Variants in RASA1 observed in about 807,000 individuals in gnomAD.
RASA1 encodes the protein RAS p21 protein activator 1.
RASA1 carries 25 observed loss-of-function variants against 132.2 expected under a neutral mutation model. The observed-to-expected ratio is 0.19, with a 90% CI of 0.14 to 0.26. The LOEUF (loss-of-function observed/expected upper bound fraction) is 0.26. Ranked by LOEUF, RASA1 falls within the 10% of genes least tolerant of loss-of-function variation. The pLI, the probability that RASA1 is intolerant of heterozygous loss-of-function variation, is 1.00. For synonymous variants in RASA1, 477 were observed against 449.9 expected (o/e 1.06, Z -0.76); for missense variants, 964 against 1,299.2 (o/e 0.74, Z 3.97).
rs989336198 is a variant in RASA1, at chr5:87,298,138, G to A, written c.539+29148G>A. Among the ~76,000 whole-genome samples, 3 of 152,036 alleles carry A rather than the reference G, an allele frequency of 2.0e-5. No individual in the cohort carries two copies. In the East Asian group the frequency reaches 5.8e-4, roughly 29 times the overall value. On this transcript the variant is annotated intron_variant, in intron 1 of 24. Transcript: ENST00000274376. The stretch of plus-strand genomic sequence containing the variant: ...AAAGAAGGAACAGGAGGCTGGGCAC[G>A]GTGGCTCACACCTGTAATCCCAGCA...
chr5:87,287,174 C>A (rs1484658140), intron 1 of RASA1, among the ~76,000 whole-genome samples: 1 of 141,252 alleles, frequency 7.1e-6, no homozygotes, highest in Non-Finnish European at 1.5e-5. Context: ...TATATACACA[C>A]CATATATATA....
intron 22 of RASA1, among the ~76,000 whole-genome samples, chr5:87,386,460 T>A (rs901619425): frequency 6.6e-6 from 1 of 152,030 alleles, no homozygotes; most frequent in Non-Finnish European, 1.5e-5. Context: ...AACCTATGAT[T>A]TGGGGCCATG....
chr5:87,367,561 TAA>T (rs1430086386), intron 11 of RASA1, among the ~76,000 whole-genome samples: 4 of 152,190 alleles, frequency 2.6e-5, no homozygotes, highest in Non-Finnish European at 4.4e-5. Flanking sequence ...TTTTCAATAT[TAA>T]GAGATCTCTA....
intron 1 of RASA1, among the ~76,000 whole-genome samples, chr5:87,298,068 T>G (rs1410313359): frequency 6.6e-6 from 1 of 152,086 alleles, no homozygotes; most frequent in Non-Finnish European, 1.5e-5. Flanking sequence ...TGCTTAGCTT[T>G]TTACTTGTTA....
intron 9 of RASA1, among the ~76,000 whole-genome samples, chr5:87,356,251 T>C (rs1265705156): frequency 6.6e-6 from 1 of 152,124 alleles, no homozygotes; most frequent in Admixed American, 6.6e-5. Flanking sequence ...GCAGACTTCA[T>C]TTTTAAGAAA....
At chr5:87,276,865 T>A (rs1247275188) in intron 1 of RASA1, among the ~76,000 whole-genome samples, 1 of 152,192 alleles carries the variant, frequency 6.6e-6, no homozygotes, top group Non-Finnish European at 1.5e-5. Context: ...GATACAGAAG[T>A]AGCCTTAGGT....
At chr5:87,322,382 T>G (rs1756890219) in intron 1 of RASA1, among the ~76,000 whole-genome samples, 1 of 152,228 alleles carries the variant, frequency 6.6e-6, no homozygotes, top group Admixed American at 6.5e-5. Flanking sequence ...TGTGTGCTCC[T>G]TATGAGAATC....
At chr5:87,291,702 G>A (rs184466203) in intron 1 of RASA1, among the ~76,000 whole-genome samples, 8 of 152,222 alleles carry the variant, frequency 5.3e-5, no homozygotes, top group Admixed American at 4.6e-4. Flanking sequence ...CACCTTGCCC[G>A]CTACTCACTC....
chr5:87,313,498 A>G (rs1228330914), intron 1 of RASA1, among the ~76,000 whole-genome samples: 1 of 152,210 alleles, frequency 6.6e-6, no homozygotes, highest in African/African-American at 2.4e-5. Context: ...GAATTTCCAC[A>G]TAGGCAGGAC....
At chr5:87,286,873 A>G (rs1423489294) in intron 1 of RASA1, among the ~76,000 whole-genome samples, 1 of 150,160 alleles carries the variant, frequency 6.7e-6, no homozygotes, top group East Asian at 1.9e-4. Context: ...TATACACCAT[A>G]TATATATACA....
At chr5:87,305,787 G>C (rs140699801) in intron 1 of RASA1, among the ~76,000 whole-genome samples, 106 of 152,278 alleles carry the variant, frequency 7.0e-4, no homozygotes, top group African/African-American at 1.9e-3. Flanking sequence ...ACACATTTAC[G>C]AGGAAAAGAA....
At chr5:87,273,772 A>G (rs1753951779) in intron 1 of RASA1, among the ~76,000 whole-genome samples, 1 of 145,222 alleles carries the variant, frequency 6.9e-6, no homozygotes, top group African/African-American at 2.6e-5. Flanking sequence ...ATCTTGGCTC[A>G]CTGCAACCTC....
At chr5:87,269,382 G>C in intron 1 of RASA1, 1 of 1,406,158 alleles carries the variant, frequency 7.1e-7, no homozygotes. Context: ...GATGATTAGT[G>C]AGAAGCTTTG....
At chr5:87,293,197 A>G (rs1754980429) in intron 1 of RASA1, among the ~76,000 whole-genome samples, 1 of 151,926 alleles carries the variant, frequency 6.6e-6, no homozygotes, top group Non-Finnish European at 1.5e-5. Flanking sequence ...TTGGTGGGAA[A>G]GCTTTGACAT....
rs752066089 is a variant in RASA1 at position 87,374,926 on chromosome 5, T to C, written c.2011+10T>C. 14 of 1,601,044 alleles carry C rather than the reference T, an allele frequency of 8.7e-6. No homozygotes were observed. The South Asian group carries it at 1.5e-4, about 17-fold the overall frequency. ...AAAGATCCTGATATCTGTAAGTTGA[T>C]ACAGAAACTTTCTAAAATAGAAAAA... On this transcript the variant is annotated intron_variant, in intron 15 of 24. Coordinates refer to ENST00000274376, the MANE Select transcript of RASA1 (RefSeq NM_002890.3).
intron 1 of RASA1, among the ~76,000 whole-genome samples, chr5:87,305,891 CT>C (rs1325121901): frequency 6.6e-6 from 1 of 152,208 alleles, no homozygotes; most frequent in Non-Finnish European, 1.5e-5. Flanking sequence ...CTCAACATCA[CT>C]GATCATTAGA....
At chr5:87,351,321 C>T (rs10071944) in intron 8 of RASA1, among the ~76,000 whole-genome samples, 23,420 of 151,484 alleles carry the variant, frequency 0.15, 1,925 homozygotes, top group South Asian at 0.25. Context: ...TTTATTAGTG[C>T]TCAGGTTTAT....
chr5:87,329,481 A>T (rs1202489184), intron 1 of RASA1, among the ~76,000 whole-genome samples: 1 of 152,046 alleles, frequency 6.6e-6, no homozygotes, highest in Non-Finnish European at 1.5e-5. Flanking sequence ...AACCACAAAT[A>T]AACATATATA....
At chr5:87,355,175 A>G (rs949844181) in intron 9 of RASA1, among the ~76,000 whole-genome samples, 14 of 152,198 alleles carry the variant, frequency 9.2e-5, no homozygotes, top group Admixed American at 8.5e-4. Context: ...GCTAAACAAC[A>G]GATTTTCAGT....
Sources: allele counts gnomAD v4.1 joint callset (sites outside exome capture counted in the v4.1 genomes callset), GRCh38; gene constraint gnomAD v4.1.1; transcripts MANE v1.5; gene names NCBI Gene and HGNC (gene_info 2026-07-23, HGNC 2026-07-21).